Variants in ANKS1B observed in about 807,000 individuals in gnomAD.
The protein encoded by ANKS1B is ankyrin repeat and sterile alpha motif domain-containing protein 1B.
ANKS1B carries 36 observed loss-of-function variants against 148.3 expected under a neutral mutation model. The ratio of observed to expected loss-of-function variants is 0.24; its 90% CI spans 0.19 to 0.32. ANKS1B has a LOEUF of 0.32. Among genes scored for constraint, ANKS1B ranks in the 10% least tolerant of loss-of-function variants. The pLI is 1.00. For missense variants in ANKS1B, 1,157 were observed against 1,542.6 expected (o/e 0.75, Z 4.19); for synonymous variants, 542 against 560.8 (o/e 0.97, Z 0.47).
rs2097835312 is a variant in ANKS1B, at chr12:98,744,276, C to T, written c.*1463G>A. On this transcript the variant is annotated 3_prime_UTR_variant, in exon 27 of 27. Transcript: ENST00000683438. ...TTCAACACTGAACTAAAACCGTATA[C>T]ATTTGTTAGTTTGAAATAAAATGTA... 1.1e-6 allele frequency: 1 copy of T among 936,266 alleles called. No homozygotes were observed. The highest frequency in any genetic ancestry group is 1.8e-5 in the African/African-American group (1 of 56,054). The allele number at this position is 936,266 out of a possible 1,614,324, so 58.0% of individuals were successfully genotyped here. A position where few individuals can be genotyped will look rare whatever the true frequency, so the allele number is the denominator to read the frequency against.
At position 99,949,552 on chromosome 12, in the gene ANKS1B, G is replaced by T. The variant is rs572368683; in HGVS notation, c.134+34552C>A. On this transcript the variant is annotated intron_variant, in intron 1 of 26. Transcript: ENST00000683438. ...AACTAGAATCTCAGACATGAAAAAG[G>T]AGAAAAGGAGAAGAGGGGACTAATG... is the stretch of plus-strand genomic sequence containing the variant. 5.3e-5 allele frequency among the ~76,000 whole-genome samples: 8 copies of T among 152,220 alleles called. No homozygotes were observed. In the South Asian group the frequency reaches 1.7e-3, roughly 32 times the overall value.
chr12:99,659,713 A>G (rs1233497988), intron 8 of ANKS1B, among the ~76,000 whole-genome samples: 1 of 152,138 alleles, frequency 6.6e-6, no homozygotes, highest in East Asian at 1.9e-4. Context: ...GGTGCTTCAT[A>G]ATTTATAAAA....
intron 12 of ANKS1B, among the ~76,000 whole-genome samples, chr12:99,286,071 C>G (rs1659850970): frequency 6.6e-6 from 1 of 151,754 alleles, no homozygotes; most frequent in Non-Finnish European, 1.5e-5. Context: ...AGATGCCAAC[C>G]ACAGGGGCAA....
intron 17 of ANKS1B, chr12:98,895,279 C>A: frequency 1.0e-6 from 1 of 985,494 alleles, no homozygotes; most frequent in Non-Finnish European, 1.2e-6. Context: ...CCCCTCGCAT[C>A]CTCGGTTACT....
At chr12:99,003,323 A>G (rs1187101386) in intron 17 of ANKS1B, among the ~76,000 whole-genome samples, 4 of 152,100 alleles carry the variant, frequency 2.6e-5, no homozygotes, top group Non-Finnish European at 4.4e-5. Flanking sequence ...GGGCTTTTGT[A>G]TTTCCATATA....
intron 10 of ANKS1B, among the ~76,000 whole-genome samples, chr12:99,456,243 AC>A (rs1420420522): frequency 6.6e-6 from 1 of 152,130 alleles, no homozygotes; most frequent in African/African-American, 2.4e-5. Context: ...TCAAGAGAGC[AC>A]CCCATTAGAC....
intron 17 of ANKS1B, among the ~76,000 whole-genome samples, chr12:98,945,095 T>C (rs544929041): frequency 6.6e-6 from 1 of 152,326 alleles, no homozygotes; most frequent in South Asian, 2.1e-4. Context: ...AGCTTTTCTG[T>C]ATATTTATGT....
At chr12:99,564,926 A>T (rs1390717533) in intron 9 of ANKS1B, among the ~76,000 whole-genome samples, 1 of 152,202 alleles carries the variant, frequency 6.6e-6, no homozygotes, top group Non-Finnish European at 1.5e-5. Context: ...TGGGATTTCA[A>T]GTTAAAAATA....
intron 1 of ANKS1B, among the ~76,000 whole-genome samples, chr12:99,924,981 A>T (rs1293309240): frequency 6.6e-6 from 1 of 152,146 alleles, no homozygotes; most frequent in Admixed American, 6.6e-5. Flanking sequence ...CCCTTTAAAA[A>T]AGATTCACTC....
intron 9 of ANKS1B, among the ~76,000 whole-genome samples, chr12:99,525,285 T>C (rs2096915873): frequency 6.6e-6 from 1 of 152,210 alleles, no homozygotes; most frequent in African/African-American, 2.4e-5. Flanking sequence ...ATTTTAAAGA[T>C]GGTGATTCTT....
At chr12:99,326,004 T>C (rs1341236716) in intron 12 of ANKS1B, among the ~76,000 whole-genome samples, 4 of 151,982 alleles carry the variant, frequency 2.6e-5, no homozygotes, top group Admixed American at 6.6e-5. Flanking sequence ...CAAGGCAGCA[T>C]GAAGGAGAAG....
At chr12:99,702,996 C>A (rs1023430453) in intron 8 of ANKS1B, among the ~76,000 whole-genome samples, 2 of 152,050 alleles carry the variant, frequency 1.3e-5, no homozygotes, top group Non-Finnish European at 2.9e-5. Context: ...ATACAGATAT[C>A]CAGTTTTCCC....
At chr12:99,364,128 G>C (rs1214048082) in intron 12 of ANKS1B, among the ~76,000 whole-genome samples, 1 of 152,038 alleles carries the variant, frequency 6.6e-6, no homozygotes, top group Non-Finnish European at 1.5e-5. Flanking sequence ...AAGTTTGTAA[G>C]ATCCTGGGCA....
chr12:99,701,619 T>C (rs1415426659), intron 8 of ANKS1B, among the ~76,000 whole-genome samples: 2 of 152,142 alleles, frequency 1.3e-5, no homozygotes, highest in Admixed American at 6.5e-5. Flanking sequence ...TGCTATTAAA[T>C]ACTAGATCTT....
At chr12:99,811,066 T>G (rs1222902473) in intron 3 of ANKS1B, among the ~76,000 whole-genome samples, 1 of 151,998 alleles carries the variant, frequency 6.6e-6, no homozygotes, top group African/African-American at 2.4e-5. Flanking sequence ...AACATGGAAA[T>G]TTTTATTGTG....
chr12:99,663,471 T>C (rs2098488234), intron 8 of ANKS1B, among the ~76,000 whole-genome samples: 1 of 151,112 alleles, frequency 6.6e-6, no homozygotes, highest in East Asian at 1.9e-4. Flanking sequence ...ACCACAACCA[T>C]TTGTTCCATG....
At chr12:99,645,401 TGTA>T (rs2098351878) in intron 9 of ANKS1B, among the ~76,000 whole-genome samples, 1 of 152,166 alleles carries the variant, frequency 6.6e-6, no homozygotes, top group South Asian at 2.1e-4. Context: ...CTCCAAAGTA[TGTA>T]GTAGTTTTGT....
At chr12:98,774,675 G>T (rs921135934) in intron 24 of ANKS1B, among the ~76,000 whole-genome samples, 3 of 152,018 alleles carry the variant, frequency 2.0e-5, no homozygotes, top group African/African-American at 4.8e-5. Flanking sequence ...ACAGTGTTCC[G>T]TGTACAGCCA....
intron 17 of ANKS1B, among the ~76,000 whole-genome samples, chr12:99,002,219 A>G (rs1598303004): frequency 6.6e-6 from 1 of 152,146 alleles, no homozygotes; most frequent in Admixed American, 6.5e-5. Flanking sequence ...TTTTTGAAGA[A>G]CTGCCATACT....
Sources: allele counts gnomAD v4.1 joint callset (sites outside exome capture counted in the v4.1 genomes callset), GRCh38; gene constraint gnomAD v4.1.1; transcripts MANE v1.5; gene names NCBI Gene and HGNC (gene_info 2026-07-23, HGNC 2026-07-21).